The following NAALADL2 variants were observed in gnomAD, a reference collection of about 807,000 sequenced individuals.
The protein encoded by NAALADL2 is N-acetylated alpha-linked acidic dipeptidase like 2.
Under a neutral mutation model 87.2 loss-of-function variants are expected in NAALADL2, and 76 were observed. That is an observed-to-expected ratio of 0.87 (90% CI 0.72 to 1.05). The LOEUF (loss-of-function observed/expected upper bound fraction) is 1.05. Ranked by LOEUF, NAALADL2 falls within the 50% of genes least tolerant of loss-of-function variation. The pLI is 0.00. For synonymous variants in NAALADL2, 354 were observed against 331.0 expected (o/e 1.07, Z -0.75); for missense variants, 1,089 against 945.8 (o/e 1.15, Z -1.99).
At chr3:175,737,760 A>C (rs1744710748) in intron 12 of NAALADL2, among the ~76,000 whole-genome samples, 1 of 125,750 alleles carries the variant, frequency 8.0e-6, no homozygotes, top group Admixed American at 9.1e-5. Flanking sequence ...TCTAACAGCC[A>C]ATCAGTTCAA....
At chr3:175,605,644 T>TTTTTTTTTTTTG (rs1553931385) in intron 10 of NAALADL2, among the ~76,000 whole-genome samples, 5 of 133,034 alleles carry the variant, frequency 3.8e-5, no homozygotes, top group African/African-American at 1.1e-4. Flanking sequence ...TTGCTTGTTT[T>TTTTTTTTTTTTG]TTTTTTTTTT....
intron 1 of NAALADL2, among the ~76,000 whole-genome samples, chr3:175,005,053 TA>T (rs1161261227): frequency 6.6e-6 from 1 of 152,222 alleles, no homozygotes; most frequent in Non-Finnish European, 1.5e-5. Flanking sequence ...TTCCTCTTGC[TA>T]AAGTATTGCT....
intron 11 of NAALADL2, among the ~76,000 whole-genome samples, chr3:175,727,616 A>G (rs1451090120): frequency 6.6e-6 from 1 of 152,162 alleles, no homozygotes; most frequent in Non-Finnish European, 1.5e-5. Context: ...ATTTGAGACT[A>G]CCTCAGTCCT....
At chr3:175,659,306 T>C (rs1035810054) in intron 11 of NAALADL2, among the ~76,000 whole-genome samples, 7 of 152,188 alleles carry the variant, frequency 4.6e-5, no homozygotes, top group African/African-American at 1.7e-4. Context: ...CCCCTGTTAC[T>C]ATAGCATAAT....
chr3:175,038,334 A>C (rs893117242), intron 1 of NAALADL2, among the ~76,000 whole-genome samples: 7 of 152,138 alleles, frequency 4.6e-5, no homozygotes, highest in Non-Finnish European at 5.9e-5. Flanking sequence ...ATAAAATAAG[A>C]AAAAAATGAA....
At position 175,006,779 on chromosome 3, in the gene NAALADL2, G is replaced by T. The variant is rs115699919; in HGVS notation, c.44-90011G>T. Among the ~76,000 whole-genome samples the T allele has an allele frequency of 5.7e-3, 868 of 151,472 alleles. 5 individuals carry two copies. The highest frequency in any genetic ancestry group is 0.014 in the South Asian group (66 of 4,772). On this transcript the variant is annotated intron_variant, in intron 1 of 13. Transcript: ENST00000454872. The stretch of plus-strand genomic sequence containing the variant: ...TTCTGAAATATTGAAAAGTTCCTTT[G>T]TCAAATTATTATTATATTTACATTC...
rs896580766 is a variant in NAALADL2, at chr3:175,601,300, T to A, written c.1800+25113T>A. ...TTAATATCAACATATTGTATGTGTA[T>A]GTTAAAAAATTATATTTAATTGTTA... On this transcript the variant is annotated intron_variant, in intron 10 of 13. Transcript: ENST00000454872. 5.3e-5 allele frequency among the ~76,000 whole-genome samples: 8 copies of A among 152,320 alleles called. No individual in the cohort carries two copies. In the East Asian group the frequency reaches 9.6e-4, roughly 18 times the overall value.
chr3:175,385,002 T>C (rs935119352), intron 5 of NAALADL2, among the ~76,000 whole-genome samples: 1 of 152,076 alleles, frequency 6.6e-6, no homozygotes, highest in African/African-American at 2.4e-5. Context: ...CAGAGTCCTA[T>C]GTCAACTGGG....
intron 2 of NAALADL2, among the ~76,000 whole-genome samples, chr3:175,184,205 G>T (rs577680639): frequency 6.6e-6 from 1 of 152,218 alleles, no homozygotes; most frequent in South Asian, 2.1e-4. Context: ...CCATCTGGAA[G>T]AATGGAGTTT....
chr3:175,468,415 A>G (rs1345956701), intron 8 of NAALADL2, among the ~76,000 whole-genome samples: 1 of 152,124 alleles, frequency 6.6e-6, no homozygotes, highest in African/African-American at 2.4e-5. Context: ...TCAAACTCAT[A>G]TTCCAAATTA....
intron 1 of NAALADL2, among the ~76,000 whole-genome samples, chr3:174,477,738 A>T (rs921630534): frequency 6.6e-6 from 1 of 152,222 alleles, no homozygotes; most frequent in African/African-American, 2.4e-5. Context: ...ACCCACACAT[A>T]GATTTCCTCT....
At chr3:174,863,653 T>G (rs1397706914) in intron 1 of NAALADL2, among the ~76,000 whole-genome samples, 2 of 152,074 alleles carry the variant, frequency 1.3e-5, no homozygotes, top group Non-Finnish European at 2.9e-5. Context: ...GTAGTAGTAC[T>G]TTGTACTCCA....
intron 9 of NAALADL2, among the ~76,000 whole-genome samples, chr3:175,494,751 G>A (rs996816801): frequency 2.0e-4 from 31 of 152,062 alleles, no homozygotes; most frequent in African/African-American, 7.0e-4. Context: ...CCTTACCATC[G>A]GGTATCGCAG....
chr3:175,456,135 C>T (rs111313285), intron 6 of NAALADL2, among the ~76,000 whole-genome samples: 5 of 151,854 alleles, frequency 3.3e-5, no homozygotes, highest in South Asian at 2.1e-4. Flanking sequence ...TTAGTTATCA[C>T]GGAAGAAGAA....
At position 175,724,100 on chromosome 3, in the gene NAALADL2, T is replaced by C. The variant is rs141477026; in HGVS notation, c.1897-13206T>C. On this transcript the variant is annotated intron_variant, in intron 11 of 13. Coordinates refer to ENST00000454872, the MANE Select transcript of NAALADL2 (RefSeq NM_207015.3). The stretch of plus-strand genomic sequence containing the variant: ...CATTTAACTGAGGACTGTTGAATTA[T>C]ATGTAGGGGCTTTATAAGCATCTCA... 4.2e-3 allele frequency among the ~76,000 whole-genome samples: 644 copies of C among 152,280 alleles called. 3 individuals carry two copies. Among genetic ancestry groups the C allele is most frequent in the South Asian group, 0.022 (106 of 4,824 alleles).
At position 174,740,097 on chromosome 3, in the gene NAALADL2, T is replaced by TATGCTG. The variant is rs553270828; in HGVS notation, c.-9+2354_-9+2359dup. Among the ~76,000 whole-genome samples, 7 of 152,130 alleles carry TATGCTG rather than the reference T, an allele frequency of 4.6e-5. No individual in the cohort carries two copies. The South Asian group carries it at 1.4e-3, about 31-fold the overall frequency. On this transcript the variant is annotated intron_variant, in intron 3 of 3. Transcript: ENST00000434257. ...GCATTTTCTTTAAGAAATACATTCA[T>TATGCTG]ATGCTGATTTTCAATATTTTGTTAA...
chr3:175,711,414 A>C (rs1467051599), intron 11 of NAALADL2, among the ~76,000 whole-genome samples: 1 of 151,922 alleles, frequency 6.6e-6, no homozygotes, highest in Admixed American at 6.6e-5. Flanking sequence ...GGTTTACTAG[A>C]TAATGACAAC....
At chr3:174,461,485 G>A (rs1424989867) in intron 1 of NAALADL2, among the ~76,000 whole-genome samples, 1 of 152,008 alleles carries the variant, frequency 6.6e-6, no homozygotes, top group Non-Finnish European at 1.5e-5. Flanking sequence ...ATGCTTTGCG[G>A]ATTTTTCCTT....
intron 2 of NAALADL2, among the ~76,000 whole-genome samples, chr3:174,623,082 C>T (rs1478740559): frequency 6.6e-6 from 1 of 152,080 alleles, no homozygotes; most frequent in African/African-American, 2.4e-5. Context: ...TGGTGGGCAT[C>T]CCTAGGGGCA....
Sources: allele counts gnomAD v4.1 joint callset (sites outside exome capture counted in the v4.1 genomes callset), GRCh38; gene constraint gnomAD v4.1.1; transcripts MANE v1.5; gene names NCBI Gene and HGNC (gene_info 2026-07-23, HGNC 2026-07-21).